Variants in MCM4 observed in about 807,000 individuals in gnomAD.
MCM4 encodes the protein DNA replication licensing factor MCM4.
Under a neutral mutation model 88.7 loss-of-function variants are expected in MCM4, and 60 were observed. The ratio of observed to expected loss-of-function variants is 0.68; its 90% confidence interval spans 0.55 to 0.84. The LOEUF is 0.84. Ranked by LOEUF, MCM4 falls within the 40% of genes least tolerant of loss-of-function variation. MCM4 has a pLI of 0.00. For synonymous variants in MCM4, 465 were observed against 410.5 expected (o/e 1.13, Z -1.61); for missense variants, 1,149 against 1,105.5 (o/e 1.04, Z -0.56).
chr8:47,971,163 A>C (rs987079735), intron 12 of MCM4, among the ~76,000 whole-genome samples, 178 bp from the exon 13 acceptor site: 4 of 152,232 alleles, frequency 2.6e-5, no homozygotes, highest in African/African-American at 4.8e-5. Flanking sequence ...AGTCCTTGGC[A>C]TGAATCTGAG....
In MCM4 at chr8:47,962,230, C is replaced by T; in HGVS notation, c.399+14C>T. The T allele has an allele frequency of 1.2e-6, 2 of 1,614,120 alleles. No individual in the cohort carries two copies. Reference sequence around the variant, plus strand: ...CAGTCTGACGGGGTGAGTATGCAGTCTCCTGAAACCATCTTATGGCGGGTA... The same window carrying T: ...CAGTCTGACGGGGTGAGTATGCAGTTTCCTGAAACCATCTTATGGCGGGTA... On this transcript the variant is annotated intron_variant, in intron 4 of 16. Coordinates refer to ENST00000649973, the MANE Select transcript of MCM4 (RefSeq NM_182746.3).
chr8:47,965,496 A>G (rs1424514055), intron 8 of MCM4, among the ~76,000 whole-genome samples: 1 of 152,154 alleles, frequency 6.6e-6, no homozygotes, highest in African/African-American at 2.4e-5. Flanking sequence ...TAGAGGTCTC[A>G]TGAATCAGTG....
At chr8:47,963,074 G>C (rs12547781) in intron 7 of MCM4, 34 bp downstream of exon 7, 1 of 1,201,030 alleles carries the variant, frequency 8.3e-7, no homozygotes, top group Non-Finnish European at 1.2e-6. Flanking sequence ...ATGAATTTTA[G>C]TAACAGTCTA....
chr8:47,967,521 T>C, intron 10 of MCM4, 36 bp downstream of exon 10: 3 of 1,613,150 alleles, frequency 1.9e-6, no homozygotes, highest in Non-Finnish European at 2.5e-6. Context: ...CTTGAGCATG[T>C]CTGGCTTGCT....
At position 47,961,113 on chromosome 8, in the gene MCM4, C is replaced by G. The variant is rs371096170; in HGVS notation, c.-14-18C>G. 33 of 1,539,570 alleles carry G rather than the reference C, an allele frequency of 2.1e-5. No individual in the cohort carries two copies. In the South Asian group the frequency reaches 3.7e-4, roughly 17 times the overall value. On this transcript the variant is annotated intron_variant, in intron 1 of 16. Coordinates refer to ENST00000649973, the MANE Select transcript of MCM4 (RefSeq NM_182746.3). Reference sequence around the variant, plus strand: ...AGCCGGGAGGCGGGCCCGGCCCGAGCTTGTCCTTGTCGCGCAGGTACTCCG... The same window carrying G: ...AGCCGGGAGGCGGGCCCGGCCCGAGGTTGTCCTTGTCGCGCAGGTACTCCG...
chr8:47,970,779 A>G lies in MCM4; in HGVS notation c.1703A>G (p.Asn568Ser), dbSNP rs1416178591. The G allele has an allele frequency of 5.6e-6, 9 of 1,614,116 alleles. No homozygotes were observed. Among genetic ancestry groups the G allele is most frequent in the East Asian group, 2.2e-5 (1 of 44,896 alleles). Residue 568 changes from asparagine (N) to serine (S), a missense_variant, in exon 12 of 17, where the codon AAC becomes AGC. Asn to Ser is a conservative substitution (Grantham distance 46). Transcript: ENST00000649973. Reference sequence around the variant, plus strand: ...ACAGGTGCTCTTGTCCTGAGTGACAACGGCATCTGCTGTATCGATGAGTTC... The same window carrying G: ...ACAGGTGCTCTTGTCCTGAGTGACAGCGGCATCTGCTGTATCGATGAGTTC... ...LQTGALVLSD[N>S]GICCIDEFDK...
Position 47,962,914 on chromosome 8 carries a change from A to AAGTT in MCM4, c.598-30_598-29insGTTA, listed in dbSNP as rs541990813. ...CGTGTTTTAAAATAGTTAAATTAGCAAAATATAACTTGTTCATTTTTATTT... is the reference window on the plus strand; with the variant it reads ...CGTGTTTTAAAATAGTTAAATTAGCAAGTTAAATATAACTTGTTCATTTTTATTT... On this transcript the variant is annotated intron_variant, in intron 6 of 16. Coordinates refer to ENST00000649973, the MANE Select transcript of MCM4 (RefSeq NM_182746.3). The AAGTT allele has an allele frequency of 1.9e-3, 2,907 of 1,568,986 alleles. 4 individuals are homozygous for AAGTT. Among genetic ancestry groups the AAGTT allele is most frequent in the Non-Finnish European group, 2.1e-3 (2,433 of 1,152,106 alleles).
intron 14 of MCM4, chr8:47,973,644 C>G (rs1273153667): frequency 1.3e-5 from 2 of 153,126 alleles, no homozygotes; most frequent in East Asian, 1.9e-4. Flanking sequence ...AGGCACCCAC[C>G]ACCACGCCTG....
In MCM4 at chr8:47,960,982, C is replaced by G. The variant is rs2090815136; in HGVS notation, c.-47C>G. 5.9e-6 allele frequency: 4 copies of G among 674,808 alleles called. No homozygotes were observed. The highest frequency in any genetic ancestry group is 9.0e-6 in the Non-Finnish European group (4 of 442,406). 41.8% of individuals were successfully genotyped at this position (674,808 alleles called of 1,614,324 possible). A position where few individuals can be genotyped will look rare whatever the true frequency, so the allele number is the denominator to read the frequency against. ...ACTCGCCAGGTGGACTCGGAGTCCG[C>G]GAGCGTCGTCGGCAAGCGGCCGCCT... On this transcript the variant is annotated 5_prime_UTR_variant, in exon 1 of 17. Coordinates refer to ENST00000649973, the MANE Select transcript of MCM4 (RefSeq NM_182746.3).
chr8:47,971,868 C>CT lies in MCM4; in HGVS notation c.1928+408dup, dbSNP rs926022626. ...ATGGATTTTAGGTTTTAATTACTTGCTTTTTTTTCTTTTTTTTTGACAGAA... is the reference window on the plus strand; with the variant it reads ...ATGGATTTTAGGTTTTAATTACTTGCTTTTTTTTTCTTTTTTTTTGACAGAA... On this transcript the variant is annotated intron_variant, in intron 13 of 16. Transcript: ENST00000649973. 7.9e-5 allele frequency among the ~76,000 whole-genome samples: 12 copies of CT among 151,604 alleles called. No individual in the cohort carries two copies. The East Asian group carries it at 1.7e-3, about 22-fold the overall frequency.
At position 47,977,513 on chromosome 8, in the gene MCM4, T is replaced by G. The variant is rs1370072426; in HGVS notation, c.*735T>G. ...AGCCTTTCTTTTTTATGGCACTTCT[T>G]TTTTTGAGATAGGGTCTTACTCTGT... On this transcript the variant is annotated 3_prime_UTR_variant, in exon 17 of 17. Transcript: ENST00000649973. 1 of 152,378 alleles carries G rather than the reference T, an allele frequency of 6.6e-6. No homozygotes were observed. The highest frequency in any genetic ancestry group is 1.5e-5 in the Non-Finnish European group (1 of 68,194). The allele number at this position is 152,378 out of a possible 1,614,324, so 9.4% of individuals were successfully genotyped here.
chr8:47,970,486 T>A (rs1195425944), intron 11 of MCM4, 25 bp from the exon 12 acceptor site: 2 of 1,573,900 alleles, frequency 1.3e-6, no homozygotes. Context: ...AAAATGAATG[T>A]TTAGACATGT....
At chr8:47,961,425 T>G (rs1563829627) in intron 2 of MCM4, 91 bp from the exon 3 acceptor site, 1 of 1,605,800 alleles carries the variant, frequency 6.2e-7, no homozygotes, top group African/African-American at 1.3e-5. Flanking sequence ...TTTGGTTCAG[T>G]GGTGAGTCAT....
intron 3 of MCM4, 128 bp from the exon 4 acceptor site, chr8:47,961,925 T>A (rs2090844009): frequency 2.4e-5 from 23 of 976,032 alleles, no homozygotes; most frequent in Non-Finnish European, 3.4e-5. Context: ...GTGCTCAGAA[T>A]CTCAGCCACC....
intron 16 of MCM4, among the ~76,000 whole-genome samples, chr8:47,976,425 T>C (rs904841398): frequency 1.1e-4 from 17 of 152,210 alleles, no homozygotes; most frequent in African/African-American, 4.1e-4. Flanking sequence ...TATGCAGTCT[T>C]TCAGTGCTGG....
Position 47,973,042 on chromosome 8 carries a change from A to T in MCM4, c.2114A>T (p.Glu705Val), listed in dbSNP as rs751819930. Residue 705 changes from glutamate (E) to valine (V), a missense_variant, in exon 14 of 17, where the codon GAA (glutamate) becomes GTA (valine). Transcript: ENST00000649973. ...HSTIMPRLSE[E>V]ASQALIEAYV... is the part of the protein sequence containing the mutation. ...ACCATCATGCCGCGGCTAAGTGAGG[A>T]AGCCAGCCAGGCTCTCATCGAGGTA... 6.2e-7 allele frequency: 1 copy of T among 1,613,804 alleles called. No individual in the cohort carries two copies. Among genetic ancestry groups the T allele is most frequent in the Admixed American group, 1.7e-5 (1 of 60,016 alleles).
At chr8:47,963,337 C>T (rs1340527661) in intron 7 of MCM4, among the ~76,000 whole-genome samples, 1 of 151,960 alleles carries the variant, frequency 6.6e-6, no homozygotes, top group East Asian at 1.9e-4. Context: ...GCCTGTAGTC[C>T]CAGCTACTCG....
rs756135528 is a variant in MCM4 at position 47,967,408 on chromosome 8, C to T, written c.1097C>T (p.Thr366Ile). 1.8e-5 allele frequency: 29 copies of T among 1,614,170 alleles called. No homozygotes were observed. The East Asian group carries it at 5.3e-4, about 30-fold the overall frequency. Residue 366 changes from threonine (T) to isoleucine (I), a missense_variant, in exon 10 of 17, where the codon ACA becomes ATA. Thr to Ile is a moderately conservative substitution (Grantham distance 89). Transcript: ENST00000649973. ...CCGGAAGACATGCCTGCAGGGCAGA[C>T]ACCACACACAGTTATCCTGTTTGCT... ...ESPEDMPAGQ[T>I]PHTVILFAHN...
At chr8:47,974,502 A>G (rs940343992) in intron 14 of MCM4, 4 of 491,736 alleles carry the variant, frequency 8.1e-6, no homozygotes, top group Middle Eastern at 5.6e-4. Flanking sequence ...CTTCCCAAGC[A>G]TCTCCCAGTT....
Sources: gnomAD v4.1 joint callset for allele counts (sites outside exome capture counted in the v4.1 genomes callset) on GRCh38, gnomAD v4.1.1 for gene constraint, MANE v1.5 for transcripts, NCBI Gene and HGNC (gene_info 2026-07-23, HGNC 2026-07-21) for gene names.